Variants in GPR37L1 observed in about 807,000 individuals in gnomAD.
GPR37L1 encodes G protein-coupled receptor 37 like 1.
GPR37L1 carries 18 observed loss-of-function variants against 18.0 expected under a neutral mutation model. The ratio of observed to expected loss-of-function variants is 1.00; its 90% CI spans 0.69 to 1.49. The LOEUF (loss-of-function observed/expected upper bound fraction) is 1.49, where lower values mean the gene tolerates loss of function less well. Ranked by LOEUF, GPR37L1 falls within the 40% of genes most tolerant of loss-of-function variation. GPR37L1 has a pLI of 0.00. For missense variants in GPR37L1, 558 were observed against 615.1 expected (o/e 0.91, Z 0.98); for synonymous variants, 256 against 273.9 (o/e 0.93, Z 0.65).
At position 202,127,771 on chromosome 1, in the gene GPR37L1, C is replaced by G. The variant is rs776619571; in HGVS notation, c.661C>G (p.Leu221Val). Reference protein sequence around the residue: ...VSSLGVTTFSLCALGIDRFHV... With the variant: ...VSSLGVTTFSVCALGIDRFHV... ...CTCTCTGGGAGTCACGACTTTCAGC[C>G]TCTGTGCCCTGGGCATTGACCGCTT... Residue 221 changes from leucine (L) to valine (V), a missense_variant, in exon 2 of 2, where the codon CTC (leucine) becomes GTC (valine). Physicochemically the swap from Leu to Val is conservative, Grantham distance 32. Transcript: ENST00000367282. 28 of 1,591,380 alleles carry G rather than the reference C, an allele frequency of 1.8e-5. No individual in the cohort carries two copies. Among genetic ancestry groups the G allele is most frequent in the Non-Finnish European group, 2.4e-5 (28 of 1,167,172 alleles).
In GPR37L1 at chr1:202,123,102, G is replaced by A. The variant is rs747974048; in HGVS notation, c.139G>A (p.Gly47Ser). 6 of 1,613,756 alleles carry A rather than the reference G, an allele frequency of 3.7e-6. No homozygotes were observed. In the Admixed American group the frequency reaches 1.0e-4, roughly 27 times the overall value. ...TQEQQSRSKR[G>S]TEDEEAKGVQ... ...GGAGCAGCAGAGCCGATCCAAGAGG[G>A]GCACCGAGGATGAGGAGGCCAAGGG... The change falls in exon 1 of 2, where the codon GGC becomes AGC. Residue 47 changes from glycine (G) to serine (S), a missense_variant. By Grantham distance (56) the Gly-to-Ser change is moderately conservative (BLOSUM62 0). Coordinates refer to ENST00000367282, the MANE Select transcript of GPR37L1 (RefSeq NM_004767.5).
chr1:202,123,258 G>C lies in GPR37L1; in HGVS notation c.295G>C (p.Gly99Arg). ...PGKDGGTPDS[G>R]QELRGNLTGA... ...CAAGGATGGGGGCACCCCAGACAGT[G>C]GGCAGGAACTGAGGGGCAATCTGAC... The change falls in exon 1 of 2, where the codon GGG (glycine) becomes CGG (arginine). Residue 99 changes from glycine (G) to arginine (R), a missense_variant. Physicochemically the swap from Gly to Arg is moderately radical, Grantham distance 125 (BLOSUM62 -2). Transcript: ENST00000367282. 1 of 1,613,964 alleles carries C rather than the reference G, an allele frequency of 6.2e-7. No homozygotes were observed. The highest frequency in any genetic ancestry group is 8.5e-7 in the Non-Finnish European group (1 of 1,179,938).
rs1291579316 is a variant in GPR37L1 at position 202,128,498 on chromosome 1, T to C, written c.1388T>C (p.Ile463Thr). The C allele has an allele frequency of 1.2e-6, 2 of 1,606,152 alleles. No individual in the cohort carries two copies. The highest frequency in any genetic ancestry group is 1.7e-6 in the Non-Finnish European group (2 of 1,175,614). The change falls in exon 2 of 2, where the codon ATC becomes ACC. Residue 463 changes from isoleucine (I) to threonine (T), a missense_variant. Physicochemically the swap from Ile to Thr is moderately conservative, Grantham distance 89. Transcript: ENST00000367282. ...NKLKTEVSSS[I>T]YFHKPRESPP... ...CTCAAGACCGAGGTGTCCTCTTCCA[T>C]CTACTTCCACAAGCCCAGGGAGTCA...
chr1:202,124,689 G>A (rs1346607540), intron 1 of GPR37L1, among the ~76,000 whole-genome samples: 13 of 152,172 alleles, frequency 8.5e-5, no homozygotes, highest in Non-Finnish European at 1.5e-5. Flanking sequence ...GGCCGGAGAA[G>A]GGCTCAGGAT....
Position 202,127,996 on chromosome 1 carries a change from GA to G in GPR37L1, c.887del (p.Glu296GlyfsTer7). The G allele has an allele frequency of 6.2e-7, 1 of 1,614,064 alleles. No homozygotes were observed. The highest frequency in any genetic ancestry group is 1.7e-5 in the Admixed American group (1 of 59,998). On this transcript the variant is annotated frameshift_variant, in exon 2 of 2. Transcript: ENST00000367282. LOFTEE classifies it low-confidence loss of function (END_TRUNC). ...CATGAAACCCTCAGCCAGCCTGCCC[GA>G]GTCCCTGTATTCACTGGTGATGACC... The part of the protein sequence containing the change: ...CIMKPSASLP[E>X]SLYSLVMTYQ...
At chr1:202,126,838 C>CGTGT (rs111909066) in intron 1 of GPR37L1, among the ~76,000 whole-genome samples, 31,765 of 146,226 alleles carry the variant, frequency 0.22, 4,021 homozygotes, top group East Asian at 0.29. Flanking sequence ...CAGAAACGTG[C>CGTGT]GTGTGTGTGT....
chr1:202,128,264 T>C lies in GPR37L1; in HGVS notation c.1154T>C (p.Leu385Pro). ...ENVCNIVVAY[L>P]STELTRQTLD... is the part of the protein sequence containing the mutation. ...GTCTGCAACATCGTGGTGGCCTACC[T>C]CTCCACCGAGCTGACCCGCCAGACC... The change falls in exon 2 of 2, where the codon CTC becomes CCC. Residue 385 changes from leucine (L) to proline (P), a missense_variant. Transcript: ENST00000367282. 6.2e-7 allele frequency: 1 copy of C among 1,613,818 alleles called. No individual in the cohort carries two copies.
rs1337607843 is a variant in GPR37L1, at chr1:202,132,727, C to G, written c.*4171C>G. Reference sequence around the variant, plus strand: ...CCTCGGATTTGAGCAGGCAGGGTCACCAGGCTCTGAGGCAGCAGCTGTGAG... The same window carrying G: ...CCTCGGATTTGAGCAGGCAGGGTCAGCAGGCTCTGAGGCAGCAGCTGTGAG... On this transcript the variant is annotated 3_prime_UTR_variant, in exon 2 of 2. Coordinates refer to ENST00000367282, the MANE Select transcript of GPR37L1 (RefSeq NM_004767.5). 1 of 152,498 alleles carries G rather than the reference C, an allele frequency of 6.6e-6. No individual in the cohort carries two copies. The highest frequency in any genetic ancestry group is 1.5e-5 in the Non-Finnish European group (1 of 68,288). The allele number at this position is 152,498 out of a possible 1,614,324, so 9.4% of individuals were successfully genotyped here.
intron 1 of GPR37L1, among the ~76,000 whole-genome samples, chr1:202,126,887 C>G (rs77471835): frequency 8.9e-5 from 13 of 145,292 alleles, no homozygotes; most frequent in Non-Finnish European, 1.8e-4. Context: ...AAGCCATGTT[C>G]CCCAAGACCA....
rs1377172196 is a variant in GPR37L1 at position 202,133,402 on chromosome 1, C to G, written c.*4846C>G. On this transcript the variant is annotated 3_prime_UTR_variant, in exon 2 of 2. Coordinates refer to ENST00000367282, the MANE Select transcript of GPR37L1 (RefSeq NM_004767.5). ...GAAAAGTAACCAGCACCATACACCCCCCCCAACACAAAACTGGTCATTTAT... is the reference window on the plus strand; with the variant it reads ...GAAAAGTAACCAGCACCATACACCCGCCCCAACACAAAACTGGTCATTTAT... 1 of 152,104 alleles carries G rather than the reference C, an allele frequency of 6.6e-6. No individual in the cohort carries two copies. Among genetic ancestry groups the G allele is most frequent in the Non-Finnish European group, 1.5e-5 (1 of 67,998 alleles). The allele number at this position is 152,104 out of a possible 1,614,324, so 9.4% of individuals were successfully genotyped here.
In GPR37L1 at chr1:202,128,832, A is replaced by G. The variant is rs1390972356; in HGVS notation, c.*276A>G. ...CTCTGAGTCCCAGCAGCTGGGAGCC[A>G]GAACTTTGCCTGCCCTCCCTTGGTT... On this transcript the variant is annotated 3_prime_UTR_variant, in exon 2 of 2. Transcript: ENST00000367282. 3.3e-5 allele frequency: 11 copies of G among 338,016 alleles called. No individual in the cohort carries two copies. The highest frequency in any genetic ancestry group is 5.9e-5 in the Non-Finnish European group (11 of 186,252). 20.9% of individuals were successfully genotyped at this position (338,016 alleles called of 1,614,324 possible).
At position 202,126,622 on chromosome 1, in the gene GPR37L1, C is replaced by T. The variant is rs145282214; in HGVS notation, c.631-1119C>T. Among the ~76,000 whole-genome samples, 1,150 of 152,234 alleles carry T rather than the reference C, an allele frequency of 7.6e-3. 14 individuals are homozygous for T. Among genetic ancestry groups the T allele is most frequent in the African/African-American group, 0.024 (1,009 of 41,550 alleles). On this transcript the variant is annotated intron_variant, in intron 1 of 1. Transcript: ENST00000367282. The stretch of plus-strand genomic sequence containing the variant: ...ACAATCCCTGAGTGTGGCTGAGCAG[C>T]GTCTGATGGTGCGGGAGGGTCCCCT...
rs754526941 is a variant in GPR37L1, at chr1:202,123,425, C to T, written c.462C>T (p.Ile154=). The change falls in exon 1 of 2, where the codon ATC becomes ATT. Residue 154 remains isoleucine, a synonymous_variant. Transcript: ENST00000367282. ...TGGGCAACCTGTCGGTCATGTGCAT[C>T]GTGTGGCACAGCTACTACCTGAAGA... ...GIVGNLSVMC[I]VWHSYYLKSA... 24 of 1,614,000 alleles carry T rather than the reference C, an allele frequency of 1.5e-5. No homozygotes were observed. Among genetic ancestry groups the T allele is most frequent in the Admixed American group, 1.2e-4 (7 of 59,994 alleles).
intron 1 of GPR37L1, among the ~76,000 whole-genome samples, chr1:202,125,153 C>CAAAA (rs10593843): frequency 3.9e-5 from 3 of 77,858 alleles, no homozygotes; most frequent in Non-Finnish European, 5.0e-5. Flanking sequence ...AATTCTGTCT[C>CAAAA]AAAAAAAAAA....
At position 202,123,338 on chromosome 1, in the gene GPR37L1, G is replaced by T. The variant is rs1241988625; in HGVS notation, c.375G>T (p.Glu125Asp). 1 of 1,614,100 alleles carries T rather than the reference G, an allele frequency of 6.2e-7. No individual in the cohort carries two copies. The highest frequency in any genetic ancestry group is 1.3e-5 in the African/African-American group (1 of 74,932). The change falls in exon 1 of 2, where the codon GAG becomes GAT. Residue 125 changes from glutamate to aspartate, a missense_variant. Glu to Asp is a conservative substitution (Grantham distance 45, BLOSUM62 2). Transcript: ENST00000367282. ...QIQNPLYPVT[E>D]SSYSAYAIML... ...AGAACCCCCTGTATCCGGTGACCGA[G>T]AGCTCCTACAGTGCCTATGCCATCA... is the stretch of plus-strand genomic sequence containing the variant.
chr1:202,125,044 A>C (rs1654620685), intron 1 of GPR37L1, among the ~76,000 whole-genome samples: 1 of 151,072 alleles, frequency 6.6e-6, no homozygotes, highest in Non-Finnish European at 1.5e-5. Flanking sequence ...ACGCACCTGC[A>C]GTCCCAGGTA....
chr1:202,124,981 C>A (rs183586912), intron 1 of GPR37L1, among the ~76,000 whole-genome samples: 15 of 152,166 alleles, frequency 9.9e-5, no homozygotes, highest in Non-Finnish European at 1.9e-4. Context: ...GCCTGGCCAA[C>A]ATGGTGAAGC....
chr1:202,125,466 G>A (rs1366817706), intron 1 of GPR37L1, among the ~76,000 whole-genome samples: 1 of 152,158 alleles, frequency 6.6e-6, no homozygotes, highest in Non-Finnish European at 1.5e-5. Flanking sequence ...TGGTATAGAG[G>A]AGAAGGGGAA....
rs1441297595 is a variant in GPR37L1 at position 202,128,525 on chromosome 1, C to G, written c.1415C>G (p.Pro472Arg). ...SIYFHKPRES[P>R]PLLPLGTPC ...TACTTCCACAAGCCCAGGGAGTCAC[C>G]CCCACTCCTGCCCCTGGGCACACCT... The change falls in exon 2 of 2, where the codon CCC (proline) becomes CGC (arginine). Residue 472 changes from proline (P) to arginine (R), a missense_variant. Transcript: ENST00000367282. 8 of 1,586,300 alleles carry G rather than the reference C, an allele frequency of 5.0e-6. No homozygotes were observed. Among genetic ancestry groups the G allele is most frequent in the African/African-American group, 1.3e-5 (1 of 74,550 alleles).
Sources: gnomAD v4.1 joint callset for allele counts (sites outside exome capture counted in the v4.1 genomes callset) on GRCh38, gnomAD v4.1.1 for gene constraint, MANE v1.5 for transcripts, NCBI Gene and HGNC (gene_info 2026-07-23, HGNC 2026-07-21) for gene names.